The following HSD17B3 variants were observed in gnomAD, a reference collection of about 807,000 sequenced individuals.
HSD17B3 encodes the protein hydroxysteroid 17-beta dehydrogenase 3.
A neutral mutation model predicts 41.1 loss-of-function variants in HSD17B3; 29 were observed. The ratio of observed to expected loss-of-function variants is 0.71; its 90% CI spans 0.53 to 0.96. The LOEUF (loss-of-function observed/expected upper bound fraction) is 0.96. HSD17B3 is among the 40% of genes least tolerant of loss of function. The pLI, the probability that HSD17B3 is intolerant of heterozygous loss-of-function variation, is 0.00. For missense variants in HSD17B3, 323 were observed against 374.6 expected, an observed-to-expected ratio of 0.86 and a Z score of 1.14; for synonymous variants, 126 against 145.6, an observed-to-expected ratio of 0.87 and a Z score of 0.97.
At chr9:96,275,400 T>G (rs1826409007) in intron 2 of HSD17B3, among the ~76,000 whole-genome samples, 1 of 152,048 alleles carries the variant, frequency 6.6e-6, no homozygotes, top group Non-Finnish European at 1.5e-5. Context: ...AGATAAAAAT[T>G]TGTTAACAGA....
intron 2 of HSD17B3, among the ~76,000 whole-genome samples, chr9:96,293,896 T>C (rs1827251691): frequency 6.6e-6 from 1 of 152,190 alleles, no homozygotes; most frequent in South Asian, 2.1e-4. Context: ...TTCCAGCTCA[T>C]TGATGTGGAA....
At chr9:96,288,192 G>A (rs910443507) in intron 2 of HSD17B3, among the ~76,000 whole-genome samples, 2 of 152,182 alleles carry the variant, frequency 1.3e-5, no homozygotes, top group Admixed American at 1.3e-4. Context: ...TTCCAAAACC[G>A]GATGGTGGTG....
At chr9:96,251,577 T>G in intron 4 of HSD17B3, 92 bp from the exon 5 acceptor site, 1 of 1,158,314 alleles carries the variant, frequency 8.6e-7, no homozygotes. Flanking sequence ...CATGTAAGGT[T>G]GTTCATCGCA....
chr9:96,243,050 C>T (rs916904575), intron 9 of HSD17B3, among the ~76,000 whole-genome samples: 2 of 152,224 alleles, frequency 1.3e-5, no homozygotes, highest in African/African-American at 4.8e-5. Flanking sequence ...TTTCCTCTGG[C>T]ATGTCGGCTG....
In HSD17B3 at chr9:96,297,601, C is replaced by T. The variant is rs537224364; in HGVS notation, c.201+815G>A. On this transcript the variant is annotated intron_variant, in intron 2 of 10. Transcript: ENST00000375263. ...ACCTCAGGTGATCCACCTGCCTCGG[C>T]CTCCCAAAGTGCTGGGATTACAGGA... Among the ~76,000 whole-genome samples the T allele has an allele frequency of 3.3e-5, 5 of 152,186 alleles. No homozygotes were observed. In the South Asian group the frequency reaches 8.3e-4, roughly 25 times the overall value.
chr9:96,236,068 C>A (rs1836227538), intron 10 of HSD17B3, among the ~76,000 whole-genome samples: 1 of 151,694 alleles, frequency 6.6e-6, no homozygotes, highest in African/African-American at 2.4e-5. Context: ...CTTTGGCCTC[C>A]CAAAGTGTTG....
At chr9:96,286,590 T>G (rs996573950) in intron 2 of HSD17B3, among the ~76,000 whole-genome samples, 3 of 151,684 alleles carry the variant, frequency 2.0e-5, no homozygotes, top group Non-Finnish European at 2.9e-5. Context: ...CTCAGGAGGC[T>G]GAGGCAGGAA....
intron 2 of HSD17B3, among the ~76,000 whole-genome samples, chr9:96,277,835 G>GCGCACACACACACACA (rs1450902519): frequency 3.4e-5 from 5 of 146,036 alleles, no homozygotes; most frequent in African/African-American, 1.3e-4. Context: ...GGAAAATGTG[G>GCGCACACACACACACA]CACACACACA....
intron 3 of HSD17B3, 78 bp from the exon 4 acceptor site, chr9:96,252,988 C>A: frequency 1.3e-5 from 11 of 848,588 alleles, no homozygotes; most frequent in Non-Finnish European, 2.3e-5. Context: ...CCCAGTGCTC[C>A]TGTATTACCT....
chr9:96,269,240 A>G (rs1826150534), intron 2 of HSD17B3, among the ~76,000 whole-genome samples: 1 of 152,194 alleles, frequency 6.6e-6, no homozygotes, highest in South Asian at 2.1e-4. Flanking sequence ...TATAGTAAAA[A>G]TATGGTATTA....
chr9:96,272,405 C>CTCTCTCTCTCTA (rs1239816824), intron 2 of HSD17B3, among the ~76,000 whole-genome samples: 6 of 21,538 alleles, frequency 2.8e-4, no homozygotes, highest in Non-Finnish European at 5.3e-4. Context: ...CTCTCTCTCT[C>CTCTCTCTCTCTA]TATATATATA....
chr9:96,286,613 C>T (rs1205750150), intron 2 of HSD17B3, among the ~76,000 whole-genome samples: 1 of 151,902 alleles, frequency 6.6e-6, no homozygotes, highest in African/African-American at 2.4e-5. Context: ...TTGCTTGAAC[C>T]CAGGAGGCAG....
chr9:96,266,658 A>T (rs1826052997), intron 2 of HSD17B3, among the ~76,000 whole-genome samples: 1 of 152,168 alleles, frequency 6.6e-6, no homozygotes, highest in East Asian at 1.9e-4. Context: ...AACTGACAAA[A>T]TGTATACCAG....
intron 9 of HSD17B3, among the ~76,000 whole-genome samples, chr9:96,243,503 A>T (rs889816335): frequency 5.9e-5 from 9 of 152,252 alleles, no homozygotes; most frequent in African/African-American, 2.2e-4. Flanking sequence ...GGATATTTTA[A>T]TTGAAAATCA....
In HSD17B3 at chr9:96,302,014, C is replaced by T. The variant is rs2066480; in HGVS notation, c.91G>A (p.Val31Ile). The change falls in exon 1 of 11, where the codon GTT becomes ATT. Residue 31 changes from valine to isoleucine, a missense_variant. By Grantham distance (29) the Val-to-Ile change is conservative. Coordinates refer to ENST00000375263, the MANE Select transcript of HSD17B3 (RefSeq NM_000197.2). ...AAAACTTTCCAGTAGTTCAGTAAAA[C>T]ACATCTGGAGAATCTCACGCACTTC... ...LAKCVRFSRC[V>I]LLNYWKVLPK... The T allele has an allele frequency of 0.012, 19,052 of 1,614,124 alleles. 352 individuals are homozygous for T. Among genetic ancestry groups the T allele is most frequent in the South Asian group, 0.06 (5,470 of 91,074 alleles).
At chr9:96,276,107 TAAAAAAAA>T (rs57386167) in intron 2 of HSD17B3, among the ~76,000 whole-genome samples, 3 of 41,152 alleles carry the variant, frequency 7.3e-5, no homozygotes, top group Admixed American at 4.0e-4. Flanking sequence ...TCCTGTCTCA[TAAAAAAAA>T]AAAAAAAAAA....
intron 2 of HSD17B3, among the ~76,000 whole-genome samples, chr9:96,268,499 A>G (rs186832530): frequency 6.6e-6 from 1 of 152,314 alleles, no homozygotes; most frequent in Admixed American, 6.5e-5. Context: ...TGATAATGAT[A>G]ATAAGTGGTC....
chr9:96,245,304 G>A (rs1335541752), intron 8 of HSD17B3, 41 bp downstream of exon 8: 1 of 1,472,588 alleles, frequency 6.8e-7, no homozygotes, highest in Non-Finnish European at 9.5e-7. Flanking sequence ...GGAGAAATAA[G>A]AGGAAGAAGG....
rs186234002 is a variant in HSD17B3, at chr9:96,242,221, G to C, written c.673-1314C>G. Among the ~76,000 whole-genome samples the C allele has an allele frequency of 5.9e-5, 9 of 152,254 alleles. No homozygotes were observed. In the East Asian group the frequency reaches 1.4e-3, roughly 23 times the overall value. On this transcript the variant is annotated intron_variant, in intron 9 of 10. Coordinates refer to ENST00000375263, the MANE Select transcript of HSD17B3 (RefSeq NM_000197.2). The stretch of plus-strand genomic sequence containing the variant: ...AGGATCTCAAAGTGTTACTCTTTGA[G>C]AAATATAAGGAGTGTGCTTTCTCCA...
Sources: gnomAD v4.1 joint callset for allele counts (sites outside exome capture counted in the v4.1 genomes callset) on GRCh38, gnomAD v4.1.1 for gene constraint, MANE v1.5 for transcripts, NCBI Gene and HGNC (gene_info 2026-07-23, HGNC 2026-07-21) for gene names.